GRK3: variants seen among roughly 807,000 people sequenced by gnomAD.
GRK3 encodes adrenergic, beta, receptor kinase 2.
In GRK3, 54 loss-of-function variants were observed where a neutral mutation model predicts 95.7. That is an observed-to-expected ratio of 0.56 (90% CI 0.45 to 0.71). The LOEUF (loss-of-function observed/expected upper bound fraction) is 0.71. Ranked by LOEUF, GRK3 falls within the 30% of genes least tolerant of loss-of-function variation. The pLI, the probability that GRK3 is intolerant of heterozygous loss-of-function variation, is 0.00. For missense variants in GRK3, 649 were observed against 851.2 expected, an observed-to-expected ratio of 0.76 and a Z score of 2.96; for synonymous variants, 281 against 290.8, an observed-to-expected ratio of 0.97 and a Z score of 0.34.
In GRK3 at chr22:25,721,334, TA is replaced by T; in HGVS notation, c.1845del (p.Asp616ThrfsTer9). The T allele has an allele frequency of 6.2e-7, 1 of 1,607,604 alleles. No individual in the cohort carries two copies. Among genetic ancestry groups the T allele is most frequent in the Non-Finnish European group, 8.5e-7 (1 of 1,177,122 alleles). On this transcript the variant is annotated frameshift_variant, in exon 20 of 21. Transcript: ENST00000324198. LOFTEE classifies it high-confidence loss of function. The stretch of plus-strand genomic sequence containing the variant: ...TTCTCTCTGTGGAAGAAACTCAAAT[TA>T]AAGACAAAAAATGCATTTTGTTCAG... ...QILSVEETQIKDKKCILFRIK... is the reference protein window; with the variant it reads ...QILSVEETQIXDKKCILFRIK...
chr22:25,647,500 G>C, intron 3 of GRK3: 1 of 1,420,750 alleles, frequency 7.0e-7, no homozygotes, highest in African/African-American at 1.4e-5. Flanking sequence ...CTCATTCTCA[G>C]TGGTGCCAAG....
intron 2 of GRK3, among the ~76,000 whole-genome samples, chr22:25,634,963 T>C (rs1014092766): frequency 6.6e-6 from 1 of 152,224 alleles, no homozygotes; most frequent in African/African-American, 2.4e-5. Flanking sequence ...TGAAATAACT[T>C]CAAACTCAGA....
intron 1 of GRK3, among the ~76,000 whole-genome samples, chr22:25,587,712 A>G (rs1351593765): frequency 1.3e-5 from 2 of 152,210 alleles, no homozygotes; most frequent in African/African-American, 2.4e-5. Flanking sequence ...CTGGTGGGAA[A>G]TAATTGAATC....
intron 2 of GRK3, among the ~76,000 whole-genome samples, chr22:25,635,034 G>A (rs944781189): frequency 6.6e-6 from 1 of 152,156 alleles, no homozygotes; most frequent in African/African-American, 2.4e-5. Flanking sequence ...TGTCCAACTT[G>A]CGGCCCGCGG....
At position 25,722,449 on chromosome 22, in the gene GRK3, A is replaced by G; in HGVS notation, c.2066A>G (p.Ter689TrpextTer79). Residue 689 changes from the stop codon to tryptophan (W), a stop_lost, in exon 21 of 21, where the codon TAG (stop) becomes TGG (tryptophan). Coordinates refer to ENST00000324198, the MANE Select transcript of GRK3 (RefSeq NM_005160.4). Reference protein sequence around the residue: ...SLCHRNSNGL* With the variant: ...SLCHRNSNGLW ...TGTCACAGAAACAGCAACGGCCTCT[A>G]GCACCCAGAAACAGGGAGGGTCCTC... The G allele has an allele frequency of 6.2e-7, 1 of 1,614,016 alleles. No individual in the cohort carries two copies.
Position 25,721,279 on chromosome 22 carries a change from G to T in GRK3, c.1792-5G>T. The T allele has an allele frequency of 2.0e-6, 3 of 1,492,574 alleles. No homozygotes were observed. The highest frequency in any genetic ancestry group is 1.8e-6 in the Non-Finnish European group (2 of 1,096,264). The allele number at this position is 1,492,574 out of a possible 1,614,324, so 92.5% of individuals were successfully genotyped here. ...TGAATTTTAAATTTCTGTTTTTATG[G>T]TTAGCAAAATTTACTGACAATGGAA... is the stretch of plus-strand genomic sequence containing the variant. On this transcript the variant is annotated splice_polypyrimidine_tract_variant and splice_region_variant and intron_variant, in intron 19 of 20. Transcript: ENST00000324198.
intron 3 of GRK3, chr22:25,648,717 C>G: frequency 3.7e-6 from 4 of 1,068,880 alleles, no homozygotes; most frequent in Non-Finnish European, 5.8e-6. Flanking sequence ...GAAGCTTCCA[C>G]AAATGGTTGA....
intron 1 of GRK3, among the ~76,000 whole-genome samples, chr22:25,574,953 A>C (rs556593567): frequency 6.6e-6 from 1 of 152,302 alleles, no homozygotes; most frequent in African/African-American, 2.4e-5. Flanking sequence ...AAAACATCCC[A>C]ATAATATAGA....
intron 1 of GRK3, among the ~76,000 whole-genome samples, chr22:25,569,076 ACTC>A (rs1413179872): frequency 6.6e-6 from 1 of 151,724 alleles, no homozygotes; most frequent in Non-Finnish European, 1.5e-5. Flanking sequence ...AACTTGAAAT[ACTC>A]CTCTCCGTTT....
chr22:25,678,435 C>G (rs1393075968), intron 8 of GRK3, among the ~76,000 whole-genome samples: 1 of 152,018 alleles, frequency 6.6e-6, no homozygotes, highest in Non-Finnish European at 1.5e-5. Flanking sequence ...GCCTGGGCAA[C>G]AGAGTGAGAC....
chr22:25,703,017 A>G (rs2085270497), intron 13 of GRK3: 1 of 376,114 alleles, frequency 2.7e-6, no homozygotes, highest in Non-Finnish European at 5.2e-6. Flanking sequence ...CATCAAAGGG[A>G]TGTATTACTT....
intron 8 of GRK3, among the ~76,000 whole-genome samples, chr22:25,677,594 C>T (rs966071099): frequency 2.0e-5 from 3 of 151,992 alleles, no homozygotes; most frequent in South Asian, 2.1e-4. Context: ...TGTAAGAACT[C>T]GTAGAAAAGT....
At chr22:25,692,579 G>A (rs2085173500) in intron 12 of GRK3, among the ~76,000 whole-genome samples, 1 of 152,226 alleles carries the variant, frequency 6.6e-6, no homozygotes, top group South Asian at 2.1e-4. Flanking sequence ...ACCAGCATAT[G>A]GAGTAGTGGC....
At position 25,616,446 on chromosome 22, in the gene GRK3, C is replaced by T. The variant is rs144158776; in HGVS notation, c.190+11993C>T. On this transcript the variant is annotated intron_variant, in intron 2 of 20. Transcript: ENST00000324198. ...GAGGTGCCACACGCTGTTAAACCAT[C>T]AGATCTTGTGGCAACTCACTCTCAT... is the stretch of plus-strand genomic sequence containing the variant. Among the ~76,000 whole-genome samples the T allele has an allele frequency of 2.2e-3, 337 of 152,042 alleles. 1 individual carries two copies. The highest frequency in any genetic ancestry group is 7.6e-3 in the African/African-American group (316 of 41,452).
At chr22:25,611,435 C>T (rs967442439) in intron 2 of GRK3, among the ~76,000 whole-genome samples, 18 of 152,108 alleles carry the variant, frequency 1.2e-4, no homozygotes, top group Non-Finnish European at 1.5e-5. Context: ...TTTACATTCC[C>T]ACCATCAATT....
chr22:25,648,386 G>T, intron 3 of GRK3: 1 of 1,304,274 alleles, frequency 7.7e-7, no homozygotes, highest in Non-Finnish European at 1.1e-6. Flanking sequence ...TGAAACCTCA[G>T]ATTCAAGGTC....
intron 17 of GRK3, among the ~76,000 whole-genome samples, chr22:25,711,760 C>G (rs1024129628): frequency 3.3e-5 from 5 of 152,142 alleles, no homozygotes; most frequent in African/African-American, 1.2e-4. Context: ...TCACCTACCC[C>G]CATGCTGGCA....
At chr22:25,644,220 CT>C (rs2084764268) in intron 2 of GRK3, among the ~76,000 whole-genome samples, 1 of 149,044 alleles carries the variant, frequency 6.7e-6, no homozygotes, top group African/African-American at 2.5e-5. Flanking sequence ...CTTGGTGATT[CT>C]CACCAACACA....
chr22:25,569,833 T>TC (rs1259943445), intron 1 of GRK3, among the ~76,000 whole-genome samples: 1 of 151,982 alleles, frequency 6.6e-6, no homozygotes, highest in Non-Finnish European at 1.5e-5. Flanking sequence ...AGTTCATTTG[T>TC]CCCCACAGTA....
Sources: allele counts gnomAD v4.1 joint callset (sites outside exome capture counted in the v4.1 genomes callset), GRCh38; gene constraint gnomAD v4.1.1; transcripts MANE v1.5; gene names NCBI Gene and HGNC (gene_info 2026-07-23, HGNC 2026-07-21).